Variants in SPEG observed in about 807,000 individuals in gnomAD.
SPEG encodes striated muscle enriched protein kinase.
Under a neutral mutation model 300.4 loss-of-function variants are expected in SPEG, and 114 were observed. The observed-to-expected ratio is 0.38, with a 90% CI of 0.33 to 0.44. The LOEUF is 0.44. Ranked by LOEUF, SPEG falls within the 20% of genes least tolerant of loss-of-function variation. SPEG has a pLI of 1.00. For synonymous variants in SPEG, 1,964 were observed against 2,018.9 expected (o/e 0.97, Z 0.73); for missense variants, 4,201 against 4,586.2 (o/e 0.92, Z 2.43).
chr2:219,477,467 A>G lies in SPEG; in HGVS notation c.4729+22A>G. 2 of 1,553,686 alleles carry G rather than the reference A, an allele frequency of 1.3e-6. No individual in the cohort carries two copies. The highest frequency in any genetic ancestry group is 1.7e-6 in the Non-Finnish European group (2 of 1,147,756). ...TCAGGTAGGCAGGAGTTCCGGAGAAAGGTAAAGCGCACACCCCCTGGAATC... is the reference window on the plus strand; with the variant it reads ...TCAGGTAGGCAGGAGTTCCGGAGAAGGGTAAAGCGCACACCCCCTGGAATC... On this transcript the variant is annotated intron_variant, in intron 20 of 40. Coordinates refer to ENST00000312358, the MANE Select transcript of SPEG (RefSeq NM_005876.5). This position sits in a 1 kb window ranked among gnomAD's most constrained non-coding sequence, Gnocchi z 6.4.
Position 219,476,904 on chromosome 2 carries a change from G to C in SPEG, c.4482G>C (p.Val1494=), listed in dbSNP as rs1294499646. Residue 1494 remains valine, a synonymous_variant, in exon 19 of 41, where the codon GTG becomes GTC. Transcript: ENST00000312358. The part of the protein sequence containing the change: ...APRFESIMED[V]EVGAGETARF... The stretch of plus-strand genomic sequence containing the variant: ...GGTTTGAGTCCATCATGGAGGACGT[G>C]GAGGTGGGGGCTGGGGAAACTGCTC... 10 of 1,613,724 alleles carry C rather than the reference G, an allele frequency of 6.2e-6. No individual in the cohort carries two copies. The African/African-American group carries it at 1.3e-4, about 22-fold the overall frequency.
intron 1 of SPEG, among the ~76,000 whole-genome samples, chr2:219,436,250 C>T (rs1268233792): frequency 6.6e-6 from 1 of 152,204 alleles, no homozygotes; most frequent in Non-Finnish European, 1.5e-5. Flanking sequence ...AGAGGCTGGG[C>T]CCAGTGCTCA....
In SPEG at chr2:219,451,029, T is replaced by G; in HGVS notation, c.2114-107T>G. 8.5e-7 allele frequency: 1 copy of G among 1,171,764 alleles called. No individual in the cohort carries two copies. The highest frequency in any genetic ancestry group is 1.2e-6 in the Non-Finnish European group (1 of 858,484). 72.6% of individuals were successfully genotyped at this position (1,171,764 alleles called of 1,614,324 possible). On this transcript the variant is annotated intron_variant, in intron 4 of 40. Coordinates refer to ENST00000312358, the MANE Select transcript of SPEG (RefSeq NM_005876.5). This position sits in a 1 kb window ranked among gnomAD's most constrained non-coding sequence, Gnocchi z 6.4. The stretch of plus-strand genomic sequence containing the variant: ...CAAGTCCCTGCTTTCTAGAAGCCCC[T>G]CTGTCTGGGTTTGGCTTTCTAGGAT...
At position 219,472,973 on chromosome 2, in the gene SPEG, C is replaced by A; in HGVS notation, c.4024C>A (p.Pro1342Thr). The A allele has an allele frequency of 1.2e-6, 2 of 1,613,812 alleles. No individual in the cohort carries two copies. The highest frequency in any genetic ancestry group is 8.5e-7 in the Non-Finnish European group (1 of 1,180,016). ...WTALVTGLRE[P>T]GWAATGLRKG... ...GGCACTGGTCACAGGCCTGCGGGAG[C>A]CAGGGTGGGCAGCCACAGGGCTGCG... Residue 1342 changes from proline (P) to threonine (T), a missense_variant, in exon 16 of 41, where the codon CCA (proline) becomes ACA (threonine). Around this residue, in one of 4 missense-constraint regions of SPEG, gnomAD observed 1,047 missense variants for 1,356.8 expected, o/e 0.77. Transcript: ENST00000312358.
intron 34 of SPEG, 22 bp downstream of exon 34, chr2:219,488,922 G>A (rs1256187103): frequency 1.3e-6 from 2 of 1,585,718 alleles, no homozygotes; most frequent in Non-Finnish European, 1.7e-6. Context: ...GCAGCTGGAG[G>A]GTTGGGGGAG....
In SPEG at chr2:219,461,986, A is replaced by G. The variant is rs1395082928; in HGVS notation, c.2545A>G (p.Thr849Ala). 6.2e-7 allele frequency: 1 copy of G among 1,608,018 alleles called. No individual in the cohort carries two copies. ...EPGETWPRTP[T>A]MKPSPSQNRR... Reference sequence around the variant, plus strand: ...TGGGGAGACCTGGCCGCGAACCCCCACCATGAAGCCCAGTCCCAGCCAGAA... The same window carrying G: ...TGGGGAGACCTGGCCGCGAACCCCCGCCATGAAGCCCAGTCCCAGCCAGAA... Residue 849 changes from threonine (T) to alanine (A), a missense_variant, in exon 7 of 41, where the codon ACC (threonine) becomes GCC (alanine). Physicochemically the swap from Thr to Ala is moderately conservative, Grantham distance 58 (BLOSUM62 0). Around this residue, in one of 4 missense-constraint regions of SPEG, gnomAD observed 1,258 missense variants for 1,293.9 expected, o/e 0.97. Transcript: ENST00000312358.
Position 219,448,353 on chromosome 2 carries a change from C to G in SPEG, c.1195C>G (p.Arg399Gly). ...RSPRLVRAGS[R>G]ILDKLQFFEE... Reference sequence around the variant, plus strand: ...GCCTAGGCTGGTGCGCGCCGGCTCCCGCATCCTGGACAAGCTGCAGTTCTT... The same window carrying G: ...GCCTAGGCTGGTGCGCGCCGGCTCCGGCATCCTGGACAAGCTGCAGTTCTT... Residue 399 changes from arginine to glycine, a missense_variant, in exon 4 of 41, where the codon CGC becomes GGC. By Grantham distance (125) the Arg-to-Gly change is moderately radical. This residue lies in a region of SPEG where 1,258 missense variants were observed against 1,293.9 expected (regional missense o/e 0.97). Transcript: ENST00000312358. 1 of 1,585,964 alleles carries G rather than the reference C, an allele frequency of 6.3e-7. No homozygotes were observed. The highest frequency in any genetic ancestry group is 8.6e-7 in the Non-Finnish European group (1 of 1,167,862).
intron 22 of SPEG, among the ~76,000 whole-genome samples, chr2:219,478,308 G>T (rs1361427454): frequency 6.6e-6 from 1 of 152,172 alleles, no homozygotes; most frequent in East Asian, 1.9e-4. Context: ...GTGTGTGCCT[G>T]GCAGTGTTCT....
In SPEG at chr2:219,469,159, G is replaced by A. The variant is rs752852286; in HGVS notation, c.3495G>A (p.Ser1165=). Residue 1165 remains serine, a synonymous_variant, in exon 13 of 41, where the codon TCG becomes TCA. Coordinates refer to ENST00000312358, the MANE Select transcript of SPEG (RefSeq NM_005876.5). ...EPRTAASGPS[S]KLEKMPSIPE... is the part of the protein sequence containing the mutation. ...GGGCAGCTGTGTGGTCTTGCAGCTC[G>A]AAGCTGGAGAAGATGCCATCCATTC... 5.6e-6 allele frequency: 9 copies of A among 1,613,696 alleles called. No homozygotes were observed. The highest frequency in any genetic ancestry group is 5.0e-5 in the Admixed American group (3 of 59,998).
At chr2:219,485,682 A>G (rs1483047218) in intron 31 of SPEG, among the ~76,000 whole-genome samples, 1 of 152,236 alleles carries the variant, frequency 6.6e-6, no homozygotes, top group East Asian at 1.9e-4. Flanking sequence ...GCACTGCCTC[A>G]TTCAATCCTG....
rs1691452536 is a variant in SPEG, at chr2:219,467,231, G to A, written c.2939G>A (p.Gly980Glu). 1.2e-6 allele frequency: 2 copies of A among 1,603,714 alleles called. No individual in the cohort carries two copies. The highest frequency in any genetic ancestry group is 1.3e-5 in the African/African-American group (1 of 74,898). Residue 980 changes from glycine (G) to glutamate (E), a missense_variant, in exon 10 of 41, where the codon GGG (glycine) becomes GAG (glutamate). By Grantham distance (98) the Gly-to-Glu change is moderately conservative. Coordinates refer to ENST00000312358, the MANE Select transcript of SPEG (RefSeq NM_005876.5). ...VLAPLQDVDV[G>E]AGEMALFECL... ...GCCCCCCTGCAGGACGTGGACGTGG[G>A]GGCCGGGGAGATGGCGCTGTTTGAG...
At position 219,464,889 on chromosome 2, in the gene SPEG, CACCT is replaced by C; in HGVS notation, c.2881+282_2881+285del. 2.3e-6 allele frequency: 1 copy of C among 426,706 alleles called. No individual in the cohort carries two copies. 26.4% of individuals were successfully genotyped at this position (426,706 alleles called of 1,614,324 possible). A position where few individuals can be genotyped will look rare whatever the true frequency, so the allele number is the denominator to read the frequency against. On this transcript the variant is annotated intron_variant, in intron 9 of 40. Transcript: ENST00000312358. The surrounding 1 kb of genome is among the most constrained non-coding windows in gnomAD (Gnocchi z 4.5). The stretch of plus-strand genomic sequence containing the variant: ...GCCCTGGCGGCAGCCAGAGACCCTG[CACCT>C]GCCACTGGCCAAGCTCTCTCTACAC...
chr2:219,480,842 C>T lies in SPEG; in HGVS notation c.5369+145C>T, dbSNP rs1476093637. The T allele has an allele frequency of 6.4e-6, 5 of 784,744 alleles. No individual in the cohort carries two copies. Among genetic ancestry groups the T allele is most frequent in the Non-Finnish European group, 1.1e-5 (5 of 461,604 alleles). The allele number at this position is 784,744 out of a possible 1,614,324, so 48.6% of individuals were successfully genotyped here. On this transcript the variant is annotated intron_variant, in intron 26 of 40. Transcript: ENST00000312358. The surrounding 1 kb of genome is among the most constrained non-coding windows in gnomAD (Gnocchi z 5.3). Reference sequence around the variant, plus strand: ...CCTCATGTGCATGAAGGTGGACACCCCTGTCTGCATGCCCACACTCTGCCT... The same window carrying T: ...CCTCATGTGCATGAAGGTGGACACCTCTGTCTGCATGCCCACACTCTGCCT...
Position 219,451,892 on chromosome 2 carries a change from C to T in SPEG, c.2440+85C>T. 7.4e-7 allele frequency: 1 copy of T among 1,360,536 alleles called. No homozygotes were observed. The highest frequency in any genetic ancestry group is 1.5e-5 in the African/African-American group (1 of 67,880). 84.3% of individuals were successfully genotyped at this position (1,360,536 alleles called of 1,614,324 possible). A position where few individuals can be genotyped will look rare whatever the true frequency, so the allele number is the denominator to read the frequency against. On this transcript the variant is annotated intron_variant, in intron 6 of 40. Transcript: ENST00000312358. The surrounding 1 kb of genome is among the most constrained non-coding windows in gnomAD (Gnocchi z 6.4). ...AGGCCCCAGTCCACCTCCCTTCCCA[C>T]TCTCAGCCTTGAGCTTGGGCACCCC...
Position 219,477,984 on chromosome 2 carries a change from G to T in SPEG, c.4906G>T (p.Ala1636Ser). 6.2e-7 allele frequency: 1 copy of T among 1,614,214 alleles called. No individual in the cohort carries two copies. The highest frequency in any genetic ancestry group is 8.5e-7 in the Non-Finnish European group (1 of 1,180,056). The change falls in exon 22 of 41, where the codon GCC (alanine) becomes TCC (serine). Residue 1636 changes from alanine (A) to serine (S), a missense_variant. By Grantham distance (99) the Ala-to-Ser change is moderately conservative. This residue lies in a region of SPEG where 1,047 missense variants were observed against 1,356.8 expected (regional missense o/e 0.77). Coordinates refer to ENST00000312358, the MANE Select transcript of SPEG (RefSeq NM_005876.5). The surrounding 1 kb of genome is among the most constrained non-coding windows in gnomAD (Gnocchi z 6.4). Reference protein sequence around the residue: ...EFAAKFIPSQAKPKASARREA... With the variant: ...EFAAKFIPSQSKPKASARREA... ...TGCGGCCAAGTTCATCCCCAGCCAG[G>T]CCAAGCCAAAGGCATCAGCGCGTCG... is the stretch of plus-strand genomic sequence containing the variant.
Position 219,464,329 on chromosome 2 carries a change from A to C in SPEG, c.2706-104A>C, listed in dbSNP as rs766106305. On this transcript the variant is annotated intron_variant, in intron 8 of 40. Transcript: ENST00000312358. The surrounding 1 kb of genome is among the most constrained non-coding windows in gnomAD (Gnocchi z 4.5). ...GTGGGACAGATCTGGGGACTGGGCA[A>C]ACTGCACAGGGAAGGAGAGGCCTGC... The C allele has an allele frequency of 1.7e-5, 22 of 1,281,082 alleles. No individual in the cohort carries two copies. Among genetic ancestry groups the C allele is most frequent in the Non-Finnish European group, 2.2e-5 (21 of 933,890 alleles). 79.4% of individuals were successfully genotyped at this position (1,281,082 alleles called of 1,614,324 possible). A position where few individuals can be genotyped will look rare whatever the true frequency, so the allele number is the denominator to read the frequency against.
chr2:219,438,600 T>A (rs979026412), intron 1 of SPEG, among the ~76,000 whole-genome samples: 15 of 152,212 alleles, frequency 9.9e-5, no homozygotes, highest in Admixed American at 8.5e-4. Flanking sequence ...CCACAGCAAG[T>A]GCTACCCTCA....
chr2:219,440,280 G>A (rs919349598), intron 1 of SPEG, among the ~76,000 whole-genome samples: 2 of 151,978 alleles, frequency 1.3e-5, no homozygotes, highest in African/African-American at 4.8e-5. Context: ...TCAGGTACAA[G>A]GGGGGCTGAG....
intron 6 of SPEG, among the ~76,000 whole-genome samples, chr2:219,456,533 C>G (rs566574249): frequency 5.1e-4 from 78 of 152,360 alleles, no homozygotes; most frequent in African/African-American, 1.6e-3. Flanking sequence ...TCACTCACAG[C>G]CTGTCAGAAG....
Sources: gnomAD v4.1 joint callset for allele counts (sites outside exome capture counted in the v4.1 genomes callset) on GRCh38, gnomAD v4.1.1 for gene constraint, gnomAD v4.1.1 regional missense constraint, Gnocchi (gnomAD v3.1) non-coding constraint, MANE v1.5 for transcripts, NCBI Gene and HGNC (gene_info 2026-07-23, HGNC 2026-07-21) for gene names.